HSPG2: variants seen among roughly 807,000 people sequenced by gnomAD.
HSPG2 encodes heparan sulfate proteoglycan 2.
In HSPG2, 278 loss-of-function variants were observed where a neutral mutation model predicts 526.6. The ratio of observed to expected loss-of-function variants is 0.53; its 90% CI spans 0.48 to 0.58. HSPG2 has a LOEUF of 0.58. Ranked by LOEUF, HSPG2 falls within the 20% of genes least tolerant of loss-of-function variation. The pLI is 0.00. For missense variants in HSPG2, 5,354 were observed against 6,099.5 expected (o/e 0.88, Z 4.07); for synonymous variants, 2,465 against 2,555.4 (o/e 0.96, Z 1.07).
chr1:21,896,013 A>C, intron 2 of HSPG2, 47 bp from the exon 3 acceptor site: 1 of 1,600,576 alleles, frequency 6.2e-7, no homozygotes, highest in East Asian at 2.2e-5. Flanking sequence ...GTATTTGTTG[A>C]GTACCTACTG....
chr1:21,921,005 C>T (rs12131384), intron 1 of HSPG2, among the ~76,000 whole-genome samples: 67,735 of 152,088 alleles, frequency 0.45, 18,311 homozygotes, highest in Middle Eastern at 0.64. Flanking sequence ...TTACCCAAGA[C>T]GAAGATTCAA....
chr1:21,827,870 C>A lies in HSPG2; in HGVS notation c.12582G>T (p.Gly4194=), dbSNP rs764775054. 3.2e-6 allele frequency: 5 copies of A among 1,584,230 alleles called. No individual in the cohort carries two copies. The highest frequency in any genetic ancestry group is 3.4e-6 in the Non-Finnish European group (4 of 1,165,224). Residue 4194 remains glycine, a synonymous_variant, in exon 91 of 97, where the codon GGG becomes GGT. Transcript: ENST00000374695. ...AESDWHLEGS[G]GNDAPGQYGA... is the part of the protein sequence containing the mutation. The stretch of plus-strand genomic sequence containing the variant: ...GCCATGGCAAGTACTCACCATTGCC[C>A]CCGCTGCCTTCAAGATGCCAGTCGG...
chr1:21,833,122 C>T (rs2098011896), intron 80 of HSPG2, 146 bp downstream of exon 80: 1 of 739,192 alleles, frequency 1.4e-6, no homozygotes, highest in African/African-American at 1.7e-5. Context: ...GGTGGAGGCC[C>T]AGAGGTCTGG....
intron 13 of HSPG2, among the ~76,000 whole-genome samples, chr1:21,884,321 G>C (rs1467894615): frequency 2.0e-5 from 3 of 152,146 alleles, no homozygotes; most frequent in Non-Finnish European, 2.9e-5. Context: ...ACCTGAAGCA[G>C]GTAGGTAGCA....
Position 21,846,063 on chromosome 1 carries a change from T to C in HSPG2, c.8464+45A>G. On this transcript the variant is annotated intron_variant, in intron 64 of 96. Transcript: ENST00000374695. ...AGTTCTGCCCCCTGGTCTCTGTCCCTTCCTCCCTCCCCCGGCCTTCCCGTC... is the reference window on the plus strand; with the variant it reads ...AGTTCTGCCCCCTGGTCTCTGTCCCCTCCTCCCTCCCCCGGCCTTCCCGTC... 8 of 1,608,218 alleles carry C rather than the reference T, an allele frequency of 5.0e-6. No homozygotes were observed. In the East Asian group the frequency reaches 1.8e-4, roughly 36 times the overall value.
rs548729443 is a variant in HSPG2 at position 21,875,570 on chromosome 1, C to T, written c.3302+59G>A. The stretch of plus-strand genomic sequence containing the variant: ...TGTAAGTGGCTGTGCTGTACTGCAC[C>T]GCTTAGATGGAGCCCCTCCCCAAGC... On this transcript the variant is annotated intron_variant, in intron 25 of 96. Coordinates refer to ENST00000374695, the MANE Select transcript of HSPG2 (RefSeq NM_005529.7). The T allele has an allele frequency of 1.4e-5, 18 of 1,297,220 alleles. No individual in the cohort carries two copies. The African/African-American group carries it at 1.4e-4, about 10-fold the overall frequency. 80.4% of individuals were successfully genotyped at this position (1,297,220 alleles called of 1,614,324 possible).
rs750376699 is a variant in HSPG2, at chr1:21,831,264, G to C, written c.11513C>G (p.Thr3838Arg). 3.7e-6 allele frequency: 6 copies of C among 1,614,044 alleles called. No individual in the cohort carries two copies. The Admixed American group carries it at 1.0e-4, about 27-fold the overall frequency. Residue 3838 changes from threonine to arginine, a missense_variant, in exon 84 of 97, where the codon ACG (threonine) becomes AGG (arginine). Transcript: ENST00000374695. ...GGGGCAGTGGGAGATGCCGTGCGCC[G>C]TGAGGTTGAGGTCATGGAAGACGAT... ...EEIVFHDLNL[T>R]AHGISHCPTC...
rs896087243 is a variant in HSPG2 at position 21,837,018 on chromosome 1, T to C, written c.10151-12A>G. The C allele has an allele frequency of 4.5e-6, 7 of 1,544,800 alleles. No homozygotes were observed. Among genetic ancestry groups the C allele is most frequent in the African/African-American group, 4.1e-5 (3 of 73,038 alleles). ...AGAGCCGGGAGGGCCTGCGGGGACATGTATGAGGTTCTGCAGGTATATGTG... is the reference window on the plus strand; with the variant it reads ...AGAGCCGGGAGGGCCTGCGGGGACACGTATGAGGTTCTGCAGGTATATGTG... On this transcript the variant is annotated splice_polypyrimidine_tract_variant and intron_variant, in intron 74 of 96. Coordinates refer to ENST00000374695, the MANE Select transcript of HSPG2 (RefSeq NM_005529.7).
At chr1:21,896,842 C>T (rs959320988) in intron 1 of HSPG2, among the ~76,000 whole-genome samples, 5 of 152,314 alleles carry the variant, frequency 3.3e-5, no homozygotes, top group South Asian at 2.1e-4. Context: ...CTGGCCTGCC[C>T]GTCTCCAGGC....
chr1:21,898,783 C>G lies in HSPG2; in HGVS notation c.64-2473G>C, dbSNP rs1398786749. Among the ~76,000 whole-genome samples, 1 of 152,218 alleles carries G rather than the reference C, an allele frequency of 6.6e-6. No homozygotes were observed. Among genetic ancestry groups the G allele is most frequent in the African/African-American group, 2.4e-5 (1 of 41,460 alleles). ...GGTGGGGGGCTCTGTCAATGCCAAT[C>G]CCCCTCTCATTGCAACCAAGGTTAT... On this transcript the variant is annotated intron_variant, in intron 1 of 96. Coordinates refer to ENST00000374695, the MANE Select transcript of HSPG2 (RefSeq NM_005529.7). This position sits in a 1 kb window ranked among gnomAD's most constrained non-coding sequence, Gnocchi z 4.0.
rs754901003 is a variant in HSPG2 at position 21,874,393 on chromosome 1, G to A, written c.3656+13C>T. The stretch of plus-strand genomic sequence containing the variant: ...TTCAGGGAAGGGCAGGTGCAGGCAG[G>A]GACTGGACGCACTGGCCGGCAGCAG... On this transcript the variant is annotated intron_variant, in intron 28 of 96. Coordinates refer to ENST00000374695, the MANE Select transcript of HSPG2 (RefSeq NM_005529.7). 8.7e-6 allele frequency: 14 copies of A among 1,611,266 alleles called. No individual in the cohort carries two copies. In the South Asian group the frequency reaches 1.5e-4, roughly 18 times the overall value.
chr1:21,903,641 G>T (rs1643214815), intron 1 of HSPG2, among the ~76,000 whole-genome samples: 1 of 152,064 alleles, frequency 6.6e-6, no homozygotes, highest in Admixed American at 6.5e-5. Flanking sequence ...TAAATAAAAT[G>T]GAAGCAAAAA....
intron 33 of HSPG2, chr1:21,869,654 C>A: frequency 1.0e-6 from 1 of 986,000 alleles, no homozygotes; most frequent in Non-Finnish European, 1.2e-6. Flanking sequence ...CGTCTCTGAG[C>A]CTCGTCCACC....
At chr1:21,846,060 C>G in intron 64 of HSPG2, 48 bp downstream of exon 64, 3 of 1,606,118 alleles carry the variant, frequency 1.9e-6, no homozygotes, top group Non-Finnish European at 2.6e-6. Context: ...TGGTCTCTGT[C>G]CCTTCCTCCC....
At position 21,880,453 on chromosome 1, in the gene HSPG2, A is replaced by C; in HGVS notation, c.2105T>G (p.Met702Arg). The change falls in exon 16 of 97, where the codon ATG becomes AGG. Residue 702 changes from methionine (M) to arginine (R), a missense_variant. Physicochemically the swap from Met to Arg is moderately conservative, Grantham distance 91. Transcript: ENST00000374695. The stretch of plus-strand genomic sequence containing the variant: ...GATGTCGCTAAGTCCCACGCTGGCC[A>C]TCTTGGTGTTGTACACGGTCTGGAT... The part of the protein sequence containing the change: ...VLIQTVYNTK[M>R]ASVGLSDIAM... 1 of 1,613,916 alleles carries C rather than the reference A, an allele frequency of 6.2e-7. No homozygotes were observed. Among genetic ancestry groups the C allele is most frequent in the Non-Finnish European group, 8.5e-7 (1 of 1,179,964 alleles).
rs531491104 is a variant in HSPG2, at chr1:21,864,531, C to T, written c.4626+312G>A. Among the ~76,000 whole-genome samples the T allele has an allele frequency of 1.2e-3, 185 of 152,294 alleles. No homozygotes were observed. Among genetic ancestry groups the T allele is most frequent in the African/African-American group, 4.0e-3 (168 of 41,558 alleles). ...TAACCCCCGGAGAGTGTGGCCCAAA[C>T]GTGAGGCTGCACTGCCCAGTGGTTA... On this transcript the variant is annotated intron_variant, in intron 36 of 96. Coordinates refer to ENST00000374695, the MANE Select transcript of HSPG2 (RefSeq NM_005529.7). This position sits in a 1 kb window ranked among gnomAD's most constrained non-coding sequence, Gnocchi z 4.8.
intron 85 of HSPG2, 79 bp from the exon 86 acceptor site, chr1:21,830,170 A>G (rs975918965): frequency 2.6e-6 from 3 of 1,168,742 alleles, no homozygotes; most frequent in Non-Finnish European, 2.5e-6. Context: ...AGGTCTGCCC[A>G]TCACACCCCG....
rs71636998 is a variant in HSPG2 at position 21,895,417 on chromosome 1, C to T, written c.244+505G>A. Among the ~76,000 whole-genome samples, 2,218 of 152,240 alleles carry T rather than the reference C, an allele frequency of 0.015. 34 individuals are homozygous for T. The highest frequency in any genetic ancestry group is 0.038 in the South Asian group (185 of 4,818). On this transcript the variant is annotated intron_variant, in intron 3 of 96. Transcript: ENST00000374695. This position sits in a 1 kb window ranked among gnomAD's most constrained non-coding sequence, Gnocchi z 4.1. Reference sequence around the variant, plus strand: ...AAGCTAGGAACCCTTGCTTCCCAGCCGATGACCCACCTTAAGGCAAGGTTC... The same window carrying T: ...AAGCTAGGAACCCTTGCTTCCCAGCTGATGACCCACCTTAAGGCAAGGTTC...
At position 21,851,874 on chromosome 1, in the gene HSPG2, T is replaced by C. The variant is rs2152719867; in HGVS notation, c.6923A>G (p.Gln2308Arg). 6.2e-7 allele frequency: 1 copy of C among 1,612,908 alleles called. No homozygotes were observed. The highest frequency in any genetic ancestry group is 8.5e-7 in the Non-Finnish European group (1 of 1,179,724). The change falls in exon 54 of 97, where the codon CAG becomes CGG. Residue 2308 changes from glutamine to arginine, a missense_variant. By Grantham distance (43) the Gln-to-Arg change is conservative. Coordinates refer to ENST00000374695, the MANE Select transcript of HSPG2 (RefSeq NM_005529.7). ...IFQASPADAGQYVCRASNGME... is the reference protein window; with the variant it reads ...IFQASPADAGRYVCRASNGME... ...GCCGTTGCTGGCCCGGCAGACGTACTGTCCCGCATCGGCAGGTGAGGCCTG... is the reference window on the plus strand; with the variant it reads ...GCCGTTGCTGGCCCGGCAGACGTACCGTCCCGCATCGGCAGGTGAGGCCTG...
Sources: gnomAD v4.1 joint callset for allele counts (sites outside exome capture counted in the v4.1 genomes callset) on GRCh38, gnomAD v4.1.1 for gene constraint, Gnocchi (gnomAD v3.1) non-coding constraint, MANE v1.5 for transcripts, NCBI Gene and HGNC (gene_info 2026-07-23, HGNC 2026-07-21) for gene names.